The following PPP3CA variants were observed in gnomAD, a reference collection of about 807,000 sequenced individuals.
PPP3CA encodes the protein protein phosphatase 3 catalytic subunit alpha, also known as CAM-PRP catalytic subunit.
In PPP3CA, 14 loss-of-function variants were observed where a neutral mutation model predicts 66.5. The observed-to-expected ratio is 0.21, with a 90% CI of 0.14 to 0.33. PPP3CA has a LOEUF of 0.33. PPP3CA is among the 10% of genes least tolerant of loss of function. The pLI is 1.00. For synonymous variants in PPP3CA, 232 were observed against 226.2 expected, an observed-to-expected ratio of 1.03 and a Z score of -0.23; for missense variants, 317 against 639.5, an observed-to-expected ratio of 0.50 and a Z score of 5.44.
intron 1 of PPP3CA, among the ~76,000 whole-genome samples, chr4:101,271,107 A>C (rs975480610): frequency 3.3e-5 from 5 of 151,960 alleles, no homozygotes; most frequent in African/African-American, 4.8e-5. Flanking sequence ...CACACACAGA[A>C]ACTGTTCTCC....
chr4:101,095,326 G>A (rs1305852366), intron 5 of PPP3CA, among the ~76,000 whole-genome samples: 1 of 151,994 alleles, frequency 6.6e-6, no homozygotes, highest in Non-Finnish European at 1.5e-5. Flanking sequence ...CCCAACTAAA[G>A]GTCTGCAAAG....
chr4:101,285,925 C>T (rs1404006839), intron 1 of PPP3CA, among the ~76,000 whole-genome samples: 1 of 152,122 alleles, frequency 6.6e-6, no homozygotes, highest in African/African-American at 2.4e-5. Context: ...ACTCCTACAC[C>T]TAAATTGCAA....
intron 1 of PPP3CA, among the ~76,000 whole-genome samples, chr4:101,279,806 G>A (rs1363274002): frequency 3.3e-5 from 5 of 152,212 alleles, no homozygotes; most frequent in African/African-American, 1.2e-4. Context: ...CTCATTCCAA[G>A]AAGAAGCTAG....
At chr4:101,038,469 G>A (rs1415296988) in intron 11 of PPP3CA, among the ~76,000 whole-genome samples, 1 of 150,848 alleles carries the variant, frequency 6.6e-6, no homozygotes, top group Non-Finnish European at 1.5e-5. Flanking sequence ...TCCTGGGTTT[G>A]AGAGATTCTC....
At chr4:101,321,934 T>C (rs1205040597) in intron 1 of PPP3CA, among the ~76,000 whole-genome samples, 3 of 152,186 alleles carry the variant, frequency 2.0e-5, no homozygotes, top group African/African-American at 7.2e-5. Context: ...AGACCATTTA[T>C]AGTCATTTTC....
chr4:101,323,846 G>A (rs1347408044), intron 1 of PPP3CA, among the ~76,000 whole-genome samples: 1 of 152,020 alleles, frequency 6.6e-6, no homozygotes, highest in Non-Finnish European at 1.5e-5. Flanking sequence ...GGGCATGGTG[G>A]CTCATGCCTC....
chr4:101,346,980 C>A lies in PPP3CA; in HGVS notation c.-184G>T, dbSNP rs1003686841. The A allele has an allele frequency of 6.2e-6, 4 of 640,340 alleles. No individual in the cohort carries two copies. The South Asian group carries it at 7.5e-5, about 12-fold the overall frequency. The allele number at this position is 640,340 out of a possible 1,614,324, so 39.7% of individuals were successfully genotyped here. On this transcript the variant is annotated 5_prime_UTR_variant, in exon 1 of 14. Transcript: ENST00000394854. ...GCTGCCTTTTCCGCGCGTCCCTCCT[C>A]CGCCGCCGCCGCCTTCACTCCTCCT...
At chr4:101,052,484 A>C (rs1728053871) in intron 10 of PPP3CA, among the ~76,000 whole-genome samples, 1 of 152,038 alleles carries the variant, frequency 6.6e-6, no homozygotes, top group South Asian at 2.1e-4. Flanking sequence ...TGTACTTTAT[A>C]AAGGGTATAA....
At position 101,155,148 on chromosome 4, in the gene PPP3CA, G is replaced by T. The variant is rs185521001; in HGVS notation, c.259+40768C>A. 6.1e-3 allele frequency among the ~76,000 whole-genome samples: 922 copies of T among 152,070 alleles called. 4 individuals carry two copies. Among genetic ancestry groups the T allele is most frequent in the Non-Finnish European group, 0.01 (681 of 67,964 alleles). ...AATATTTTAAGATTTCACTGGACTT[G>T]GTATGTTAAAACATACAAACAAACA... is the stretch of plus-strand genomic sequence containing the variant. On this transcript the variant is annotated intron_variant, in intron 2 of 13. Transcript: ENST00000394854.
intron 2 of PPP3CA, among the ~76,000 whole-genome samples, chr4:101,179,155 T>A (rs192768335): frequency 4.6e-5 from 7 of 152,152 alleles, no homozygotes; most frequent in Admixed American, 1.3e-4. Flanking sequence ...CATCTCACTC[T>A]CATCGTAGAA....
At chr4:101,118,612 G>A (rs1721923686) in intron 2 of PPP3CA, among the ~76,000 whole-genome samples, 1 of 149,978 alleles carries the variant, frequency 6.7e-6, no homozygotes, top group African/African-American at 2.5e-5. Flanking sequence ...AATAAGTGAT[G>A]CCTTCTTTTT....
At position 101,032,206 on chromosome 4, in the gene PPP3CA, C is replaced by G. The variant is rs767161031; in HGVS notation, c.1339+61G>C. On this transcript the variant is annotated intron_variant, in intron 12 of 13. Transcript: ENST00000394854. ...GCTTAAATGAATGAATAAATCAGGG[C>G]TCTAATGACACAGCTGACTGCGATG... 13 of 1,251,144 alleles carry G rather than the reference C, an allele frequency of 1.0e-5. No homozygotes were observed. The African/African-American group carries it at 2.0e-4, about 19-fold the overall frequency. The allele number at this position is 1,251,144 out of a possible 1,614,324, so 77.5% of individuals were successfully genotyped here.
chr4:101,116,366 C>T (rs1211500413), intron 2 of PPP3CA, among the ~76,000 whole-genome samples: 2 of 151,894 alleles, frequency 1.3e-5, no homozygotes, highest in Non-Finnish European at 2.9e-5. Context: ...GTCTAATTCT[C>T]AGCATGAGGA....
chr4:101,114,435 G>C (rs527995260), intron 2 of PPP3CA, among the ~76,000 whole-genome samples: 2 of 152,162 alleles, frequency 1.3e-5, no homozygotes, highest in East Asian at 3.9e-4. Flanking sequence ...GGAAAAGTAA[G>C]AACTATCAGA....
At chr4:101,086,861 C>T (rs1240097892) in intron 6 of PPP3CA, among the ~76,000 whole-genome samples, 1 of 152,216 alleles carries the variant, frequency 6.6e-6, no homozygotes, top group Admixed American at 6.5e-5. Flanking sequence ...AGCAATCTGT[C>T]AGCTTATTGG....
intron 2 of PPP3CA, among the ~76,000 whole-genome samples, chr4:101,126,331 A>G (rs560734781): frequency 6.6e-6 from 1 of 152,354 alleles, no homozygotes; most frequent in Non-Finnish European, 1.5e-5. Context: ...CAACTATATA[A>G]AAACCCACTT....
intron 8 of PPP3CA, among the ~76,000 whole-genome samples, chr4:101,075,180 T>C (rs995874827): frequency 3.3e-5 from 5 of 152,154 alleles, no homozygotes; most frequent in Admixed American, 2.6e-4. Context: ...CAAGGTGAAA[T>C]CTGGGTGGGG....
intron 2 of PPP3CA, among the ~76,000 whole-genome samples, chr4:101,182,452 G>A (rs1317695272): frequency 1.3e-5 from 2 of 152,126 alleles, no homozygotes; most frequent in Non-Finnish European, 2.9e-5. Context: ...ATTGTACAGA[G>A]TTCACGATGG....
At chr4:101,328,843 C>G (rs1729283471) in intron 1 of PPP3CA, among the ~76,000 whole-genome samples, 1 of 152,046 alleles carries the variant, frequency 6.6e-6, no homozygotes, top group African/African-American at 2.4e-5. Context: ...TCATGTCACA[C>G]CGATATAAGA....
Sources: gnomAD v4.1 joint callset for allele counts (sites outside exome capture counted in the v4.1 genomes callset) on GRCh38, gnomAD v4.1.1 for gene constraint, MANE v1.5 for transcripts, NCBI Gene and HGNC (gene_info 2026-07-23, HGNC 2026-07-21) for gene names.